RNGTT: variants seen among roughly 807,000 people sequenced by gnomAD.
RNGTT encodes the protein mRNA-capping enzyme.
A neutral mutation model predicts 79.3 loss-of-function variants in RNGTT; 33 were observed. That is an observed-to-expected ratio of 0.42 (90% CI 0.32 to 0.56). RNGTT has a LOEUF of 0.56. Among genes scored for constraint, RNGTT ranks in the 20% least tolerant of loss-of-function variants. RNGTT has a pLI of 0.17. For synonymous variants in RNGTT, 222 were observed against 235.9 expected (o/e 0.94, Z 0.54); for missense variants, 497 against 739.1 (o/e 0.67, Z 3.80).
intron 9 of RNGTT, among the ~76,000 whole-genome samples, chr6:88,850,030 T>C (rs541199605): frequency 1.6e-3 from 248 of 152,076 alleles, no homozygotes; most frequent in African/African-American, 5.6e-3. Flanking sequence ...TATACTGAAA[T>C]AGAATCACCT....
intron 13 of RNGTT, among the ~76,000 whole-genome samples, chr6:88,750,692 A>C (rs1777811883): frequency 6.6e-6 from 1 of 152,152 alleles, no homozygotes; most frequent in South Asian, 2.1e-4. Flanking sequence ...TTATTAGATA[A>C]ACATTCCCGA....
chr6:88,772,034 C>T (rs1582441894), intron 12 of RNGTT, among the ~76,000 whole-genome samples: 1 of 151,894 alleles, frequency 6.6e-6, no homozygotes, highest in Admixed American at 6.6e-5. Flanking sequence ...TAATAATTAG[C>T]CAAATATAGT....
intron 14 of RNGTT, among the ~76,000 whole-genome samples, chr6:88,670,409 T>C (rs1774589660): frequency 1.3e-5 from 2 of 152,136 alleles, no homozygotes; most frequent in South Asian, 4.1e-4. Context: ...GTGTATTACA[T>C]GAATCACTAT....
intron 8 of RNGTT, among the ~76,000 whole-genome samples, chr6:88,884,160 G>A (rs1302002896): frequency 6.6e-6 from 1 of 152,100 alleles, no homozygotes; most frequent in African/African-American, 2.4e-5. Flanking sequence ...TGACCCTGAG[G>A]TTAGACTTTC....
intron 8 of RNGTT, among the ~76,000 whole-genome samples, chr6:88,885,449 T>C (rs1258197865): frequency 6.6e-6 from 1 of 152,084 alleles, no homozygotes; most frequent in Non-Finnish European, 1.5e-5. Flanking sequence ...CAGAATATAA[T>C]ACGTGTCTAT....
Position 88,640,386 on chromosome 6 carries a change from CAA to C in RNGTT, c.1507-25993_1507-25992del, listed in dbSNP as rs34910543. On this transcript the variant is annotated intron_variant, in intron 14 of 15. Coordinates refer to ENST00000369485, the MANE Select transcript of RNGTT (RefSeq NM_003800.5). ...GCAGCATACCGAGACCCTGTCTCTA[CAA>C]AAAAAAAAAAAAAAAATCCAGGCAT... Among the ~76,000 whole-genome samples, 372 of 97,068 alleles carry C rather than the reference CAA, an allele frequency of 3.8e-3. 1 individual carries two copies. The highest frequency in any genetic ancestry group is 0.012 in the African/African-American group (312 of 25,412). 63.7% of individuals were successfully genotyped at this position (97,068 alleles called of 152,430 possible).
chr6:88,672,617 G>A (rs370737127), intron 14 of RNGTT, among the ~76,000 whole-genome samples: 2 of 152,120 alleles, frequency 1.3e-5, no homozygotes, highest in East Asian at 1.9e-4. Flanking sequence ...CACTGCTCTG[G>A]TGATGGGGTC....
chr6:88,669,178 C>T (rs756423451), intron 14 of RNGTT, among the ~76,000 whole-genome samples: 10 of 152,058 alleles, frequency 6.6e-5, no homozygotes, highest in Admixed American at 2.6e-4. Context: ...GATCCACAAG[C>T]GCTCCCCCAA....
In RNGTT at chr6:88,940,117, CTGGGTTGGAGTG is replaced by C. The variant is rs557834134; in HGVS notation, c.174+942_174+953del. Among the ~76,000 whole-genome samples the C allele has an allele frequency of 1.2e-4, 18 of 149,472 alleles. No homozygotes were observed. In the South Asian group the frequency reaches 3.8e-3, roughly 32 times the overall value. Reference sequence around the variant, plus strand: ...TTGAGACAGAGTCTCACTCTGTTGCCTGGGTTGGAGTGCACTGGTATGTGATCTTGGCTCACT... The same window carrying C: ...TTGAGACAGAGTCTCACTCTGTTGCCCACTGGTATGTGATCTTGGCTCACT... On this transcript the variant is annotated intron_variant, in intron 2 of 15. Coordinates refer to ENST00000369485, the MANE Select transcript of RNGTT (RefSeq NM_003800.5).
At chr6:88,718,398 A>G (rs1229854185) in intron 13 of RNGTT, among the ~76,000 whole-genome samples, 1 of 151,898 alleles carries the variant, frequency 6.6e-6, no homozygotes, top group Non-Finnish European at 1.5e-5. Flanking sequence ...AAAAAAAAAA[A>G]AAAGAAAGGA....
intron 13 of RNGTT, among the ~76,000 whole-genome samples, chr6:88,762,924 T>C (rs1276552690): frequency 6.6e-6 from 1 of 151,718 alleles, no homozygotes; most frequent in Non-Finnish European, 1.5e-5. Flanking sequence ...GAAAGGTATT[T>C]TCTTTTTCCT....
At chr6:88,745,919 C>T (rs1172309813) in intron 13 of RNGTT, among the ~76,000 whole-genome samples, 3 of 152,206 alleles carry the variant, frequency 2.0e-5, no homozygotes, top group Non-Finnish European at 4.4e-5. Flanking sequence ...AAGCTACCCT[C>T]TTGCCCTGCT....
At chr6:88,920,850 A>C (rs1443292638) in intron 4 of RNGTT, among the ~76,000 whole-genome samples, 1 of 152,210 alleles carries the variant, frequency 6.6e-6, no homozygotes, top group African/African-American at 2.4e-5. Context: ...GAGTGTTTAC[A>C]GGTTATAAAA....
chr6:88,764,691 T>C (rs1432073041), intron 13 of RNGTT, among the ~76,000 whole-genome samples: 4 of 152,196 alleles, frequency 2.6e-5, no homozygotes, highest in East Asian at 3.8e-4. Context: ...CACCATGCTA[T>C]GTACTAAGAA....
intron 13 of RNGTT, among the ~76,000 whole-genome samples, chr6:88,748,773 A>G (rs1777747785): frequency 6.6e-6 from 1 of 152,118 alleles, no homozygotes; most frequent in Non-Finnish European, 1.5e-5. Flanking sequence ...AAGAAAAAAA[A>G]TGGGGAAAAG....
At chr6:88,722,059 T>C (rs984727047) in intron 13 of RNGTT, among the ~76,000 whole-genome samples, 4 of 151,462 alleles carry the variant, frequency 2.6e-5, no homozygotes, top group East Asian at 1.9e-4. Flanking sequence ...TTAAATTATA[T>C]ACTTAAAATG....
At chr6:88,619,009 T>C (rs1163326447) in intron 14 of RNGTT, among the ~76,000 whole-genome samples, 1 of 152,200 alleles carries the variant, frequency 6.6e-6, no homozygotes, top group Non-Finnish European at 1.5e-5. Context: ...TATGGACTCA[T>C]GGATATTTAT....
At position 88,844,521 on chromosome 6, in the gene RNGTT, A is replaced by T. The variant is rs1191462143; in HGVS notation, c.1105T>A (p.Ser369Thr). ...AAATCACAATCTCCAACGGGCTGTGACTGAATTAAATAAAGAATTAGTTAA... is the reference window on the plus strand; with the variant it reads ...AAATCACAATCTCCAACGGGCTGTGTCTGAATTAAATAAAGAATTAGTTAA... ...YLIYDIIKFN[S>T]QPVGDCDFNV... The change falls in exon 11 of 16, where the codon TCA becomes ACA. Residue 369 changes from serine to threonine, a missense_variant and splice_region_variant. By Grantham distance (58) the Ser-to-Thr change is moderately conservative. Coordinates refer to ENST00000369485, the MANE Select transcript of RNGTT (RefSeq NM_003800.5). 6.3e-7 allele frequency: 1 copy of T among 1,598,394 alleles called. No homozygotes were observed. Among genetic ancestry groups the T allele is most frequent in the Admixed American group, 1.8e-5 (1 of 55,696 alleles).
At chr6:88,762,987 C>G (rs1056434591) in intron 13 of RNGTT, among the ~76,000 whole-genome samples, 4 of 151,904 alleles carry the variant, frequency 2.6e-5, no homozygotes, top group African/African-American at 9.7e-5. Context: ...GCAGTGGCCC[C>G]ACCACAGCTC....
Sources: allele counts gnomAD v4.1 joint callset (sites outside exome capture counted in the v4.1 genomes callset), GRCh38; gene constraint gnomAD v4.1.1; transcripts MANE v1.5; gene names NCBI Gene and HGNC (gene_info 2026-07-23, HGNC 2026-07-21).